MT4: variants seen among roughly 807,000 people sequenced by gnomAD.
MT4 encodes the protein metallothionein-4.
A neutral mutation model predicts 9.5 loss-of-function variants in MT4; 11 were observed. The observed-to-expected ratio is 1.16, with a 90% CI of 0.73 to 1.92. MT4 has a LOEUF of 1.92. MT4 is among the 30% of genes most tolerant of loss of function. The probability of loss-of-function intolerance (pLI) is 0.00; values close to 1 mark genes in which losing one functional copy is unlikely to be tolerated. For missense variants in MT4, 88 were observed against 78.7 expected, an observed-to-expected ratio of 1.12 and a Z score of -0.45; for synonymous variants, 29 against 24.6, an observed-to-expected ratio of 1.18 and a Z score of -0.53.
rs1349217551 is a variant in MT4, at chr16:56,568,271, G to GA, written c.97+456dup. Among the ~76,000 whole-genome samples, 61 of 58,652 alleles carry GA rather than the reference G, an allele frequency of 1.0e-3. 1 individual carries two copies. The highest frequency in any genetic ancestry group is 3.2e-3 in the African/African-American group (56 of 17,658). The allele number at this position is 58,652 out of a possible 152,430, so 38.5% of individuals were successfully genotyped here. On this transcript the variant is annotated intron_variant, in intron 2 of 2. Transcript: ENST00000219162. ...AGAAAGAAAGAAAGAGAGAGAGAGAGAGAAAGAAAGAAAGAAAGAAAGAAA... is the reference window on the plus strand; with the variant it reads ...AGAAAGAAAGAAAGAGAGAGAGAGAGAAGAAAGAAAGAAAGAAAGAAAGAAA...
At chr16:56,566,847 GAAAGAAAGAAAT>G (rs1959542740) in intron 1 of MT4, among the ~76,000 whole-genome samples, 3 of 140,438 alleles carry the variant, frequency 2.1e-5, no homozygotes, top group South Asian at 2.3e-4. Flanking sequence ...AAGAAAGAAA[GAAAGAAAGAAAT>G]GAGGGAGAGA....
At chr16:56,565,755 C>T (rs1046894990) in intron 1 of MT4, among the ~76,000 whole-genome samples, 1 of 152,130 alleles carries the variant, frequency 6.6e-6, no homozygotes, top group South Asian at 2.1e-4. Flanking sequence ...CTTTTACAAT[C>T]ATGGAAATGG....
At chr16:56,565,513 C>T (rs541488625) in intron 1 of MT4, among the ~76,000 whole-genome samples, 4 of 152,224 alleles carry the variant, frequency 2.6e-5, no homozygotes, top group Non-Finnish European at 4.4e-5. Context: ...CCCTCCCTGG[C>T]GCTTATTCTT....
chr16:56,568,572 G>A (rs941937321), intron 2 of MT4, among the ~76,000 whole-genome samples: 2 of 152,100 alleles, frequency 1.3e-5, no homozygotes, highest in Non-Finnish European at 2.9e-5. Context: ...GGAGTCATGA[G>A]CCCTAGGTTC....
At chr16:56,566,799 AAAGAAAGAAAGAAAGAAAGAAAAGAAAG>A (rs1479763657) in intron 1 of MT4, among the ~76,000 whole-genome samples, 3 of 55,328 alleles carry the variant, frequency 5.4e-5, no homozygotes, top group Admixed American at 5.4e-4. Flanking sequence ...AGAAAGAAAG[AAAGAAAGAAAGAAAGAAAGAAAAGAAAG>A]AAAGAAAGAA....
chr16:56,567,634 GC>G, intron 1 of MT4, 116 bp from the exon 2 acceptor site: 1 of 898,858 alleles, frequency 1.1e-6, no homozygotes, highest in East Asian at 2.6e-5. Context: ...CTCTTGTCCA[GC>G]CAGTCCCCAA....
intron 2 of MT4, among the ~76,000 whole-genome samples, chr16:56,568,306 A>G (rs1034596231): frequency 6.9e-6 from 1 of 145,530 alleles, no homozygotes. Context: ...AGAAAGAAAG[A>G]AAGAAAGAAA....
intron 1 of MT4, 121 bp downstream of exon 1, chr16:56,565,280 C>A: frequency 1.8e-6 from 2 of 1,094,248 alleles, no homozygotes; most frequent in Non-Finnish European, 2.6e-6. Context: ...GGGGTTCGTC[C>A]TGGGAGCCGA....
chr16:56,567,817 G>C lies in MT4; in HGVS notation c.97+1G>C, dbSNP rs1959555688. 2 of 1,611,560 alleles carry C rather than the reference G, an allele frequency of 1.2e-6. No individual in the cohort carries two copies. Among genetic ancestry groups the C allele is most frequent in the African/African-American group, 2.7e-5 (2 of 74,856 alleles). On this transcript the variant is annotated splice_donor_variant, in intron 2 of 2. Transcript: ENST00000219162. LOFTEE classifies it high-confidence loss of function. ...TGCAACTGTAAAACATATTGGAAGA[G>C]TGAGTATGGTGACTGGGGGCACCAT...
At chr16:56,567,921 G>A (rs12928152) in intron 2 of MT4, 105 bp downstream of exon 2, 83,047 of 880,944 alleles carry the variant, frequency 0.094, 4,514 homozygotes, top group South Asian at 0.16. Flanking sequence ...GGGAGGCCGA[G>A]GCGGGTGGAT....
chr16:56,568,715 G>T, intron 2 of MT4, 126 bp from the exon 3 acceptor site: 1 of 597,362 alleles, frequency 1.7e-6, no homozygotes. Flanking sequence ...CAGCATTTTT[G>T]CTAATGTGGA....
Position 56,566,819 on chromosome 16 carries a change from AAAAGAAAGAAAG to A in MT4, c.32-904_32-893del, listed in dbSNP as rs199947899. 1.8e-3 allele frequency among the ~76,000 whole-genome samples: 94 copies of A among 52,520 alleles called. 4 individuals carry two copies. The highest frequency in any genetic ancestry group is 5.4e-3 in the African/African-American group (81 of 15,136). The allele number at this position is 52,520 out of a possible 152,430, so 34.5% of individuals were successfully genotyped here. ...GAAAGAAAGAAAGAAAGAAAGAAAG[AAAAGAAAGAAAG>A]AAAGAAAGAAAGAAAGAAAGAAAGA... is the stretch of plus-strand genomic sequence containing the variant. On this transcript the variant is annotated intron_variant, in intron 1 of 2. Coordinates refer to ENST00000219162, the MANE Select transcript of MT4 (RefSeq NM_032935.3).
At chr16:56,568,249 A>G (rs750664850) in intron 2 of MT4, among the ~76,000 whole-genome samples, 14,315 of 41,984 alleles carry the variant, frequency 0.34, 2,420 homozygotes, top group Middle Eastern at 0.45. Flanking sequence ...GAAAGAAAGA[A>G]AGAAAGAAAG....
At chr16:56,566,722 GAAAGAAAGAAAGAAAGAAAGAAA>G (rs60791905) in intron 1 of MT4, among the ~76,000 whole-genome samples, 1,446 of 46,934 alleles carry the variant, frequency 0.031, 20 homozygotes, top group Middle Eastern at 0.032. Context: ...AAGAAAGAAA[GAAAGAAAGAAAGAAAGAAAGAAA>G]GAAGGAAGGA....
chr16:56,566,640 G>C (rs1597046558), intron 1 of MT4, among the ~76,000 whole-genome samples: 1 of 144,744 alleles, frequency 6.9e-6, no homozygotes. Context: ...GAGAGAGAGA[G>C]AGAAAGAGAA....
intron 1 of MT4, among the ~76,000 whole-genome samples, chr16:56,565,499 G>A (rs1046864649): frequency 2.0e-5 from 3 of 152,164 alleles, no homozygotes; most frequent in Non-Finnish European, 2.9e-5. Context: ...CCATTGCTGC[G>A]GTCCCCTCCC....
intron 2 of MT4, among the ~76,000 whole-genome samples, chr16:56,568,247 GAAAGAAAGAA>G (rs757261895): frequency 0.021 from 709 of 33,638 alleles, 41 homozygotes; most frequent in African/African-American, 0.045. Flanking sequence ...AAGAAAGAAA[GAAAGAAAGAA>G]AGAGAGAGAG....
rs1567329959 is a variant in MT4 at position 56,566,795 on chromosome 16, AAAG to A, written c.32-953_32-951del. Reference sequence around the variant, plus strand: ...GAAAGAAAGAAAGAAAGAAAGAAAGAAAGAAAGAAAGAAAGAAAGAAAGAAAAG... The same window carrying A: ...GAAAGAAAGAAAGAAAGAAAGAAAGAAAAGAAAGAAAGAAAGAAAGAAAAG... On this transcript the variant is annotated intron_variant, in intron 1 of 2. Transcript: ENST00000219162. Among the ~76,000 whole-genome samples the A allele has an allele frequency of 2.2e-3, 97 of 43,154 alleles. 3 individuals carry two copies. Among genetic ancestry groups the A allele is most frequent in the Admixed American group, 9.0e-3 (26 of 2,898 alleles). The allele number at this position is 43,154 out of a possible 152,430, so 28.3% of individuals were successfully genotyped here.
At chr16:56,566,769 G>GAAAGAAAGAAA (rs59257800) in intron 1 of MT4, among the ~76,000 whole-genome samples, 1 of 36,938 alleles carries the variant, frequency 2.7e-5, no homozygotes, top group Admixed American at 4.3e-4. Context: ...AAGGAAGGAA[G>GAAAGAAAGAAA]GAAAGAAAGA....
Sources: allele counts gnomAD v4.1 joint callset (sites outside exome capture counted in the v4.1 genomes callset), GRCh38; gene constraint gnomAD v4.1.1; transcripts MANE v1.5; gene names NCBI Gene and HGNC (gene_info 2026-07-23, HGNC 2026-07-21).